The following RGS6 variants were observed in gnomAD, a reference collection of about 807,000 sequenced individuals.
RGS6 encodes regulator of G-protein signaling 6.
In RGS6, 30 loss-of-function variants were observed where a neutral mutation model predicts 78.5. The ratio of observed to expected loss-of-function variants is 0.38; its 90% CI spans 0.29 to 0.52. RGS6 has a LOEUF of 0.52. RGS6 is among the 20% of genes least tolerant of loss of function. The pLI is 0.85. For synonymous variants in RGS6, 206 were observed against 206.0 expected (o/e 1.00, Z 0.00); for missense variants, 495 against 609.7 (o/e 0.81, Z 1.98).
chr14:72,102,183 G>C (rs2095542210), intron 2 of RGS6, among the ~76,000 whole-genome samples: 1 of 152,162 alleles, frequency 6.6e-6, no homozygotes, highest in African/African-American at 2.4e-5. Context: ...GTACTCATCA[G>C]TGACGTACTG....
At chr14:72,020,617 C>A (rs1311001152) in intron 2 of RGS6, among the ~76,000 whole-genome samples, 1 of 151,956 alleles carries the variant, frequency 6.6e-6, no homozygotes, top group Admixed American at 6.6e-5. Flanking sequence ...TATCTTTTTG[C>A]AAGTTTTCTG....
At chr14:72,446,389 C>T (rs1032411033) in intron 3 of RGS6, among the ~76,000 whole-genome samples, 6 of 152,336 alleles carry the variant, frequency 3.9e-5, no homozygotes, top group African/African-American at 1.4e-4. Context: ...GAGATAAATG[C>T]TTCAAGGAGA....
chr14:71,932,290 G>T (rs1286111551), upstream of RGS6: 1 of 151,670 alleles, frequency 6.6e-6, no homozygotes, highest in Non-Finnish European at 1.5e-5. Context: ...CCGCCCGCCG[G>T]CCCCTCCCTG....
intron 2 of RGS6, among the ~76,000 whole-genome samples, chr14:72,269,428 C>T (rs1260499306): frequency 6.6e-6 from 1 of 152,182 alleles, no homozygotes; most frequent in Non-Finnish European, 1.5e-5. Flanking sequence ...TGGCTTCCTG[C>T]TGTCTCTTGA....
the RGS6 span, among the ~76,000 whole-genome samples, chr14:72,572,215 C>T: frequency 8.9e-4 from 135 of 152,194 alleles, no homozygotes; most frequent in African/African-American, 3.2e-3. Flanking sequence ...ATGCTGCAGC[C>T]GCTTTGGAAA....
intron 3 of RGS6, among the ~76,000 whole-genome samples, chr14:72,364,562 C>T (rs2082113755): frequency 6.6e-6 from 1 of 152,222 alleles, no homozygotes. Flanking sequence ...ATTTCAACAG[C>T]AACAGCTGGG....
rs367923850 is a variant in RGS6 at position 72,023,300 on chromosome 14, A to G, written c.84+58425A>G. The stretch of plus-strand genomic sequence containing the variant: ...AAATTGCCTTCCGGCTACCCAAGAA[A>G]GTCAATTTCCTTCTTTAATAGCTGT... On this transcript the variant is annotated intron_variant, in intron 2 of 17. Transcript: ENST00000553525. Among the ~76,000 whole-genome samples, 26 of 152,358 alleles carry G rather than the reference A, an allele frequency of 1.7e-4. No homozygotes were observed. The South Asian group carries it at 4.8e-3, about 28-fold the overall frequency.
rs187902442 is a variant in RGS6, at chr14:72,307,059, A to G, written c.85-45036A>G. Among the ~76,000 whole-genome samples, 588 of 152,300 alleles carry G rather than the reference A, an allele frequency of 3.9e-3. 6 individuals are homozygous for G. Among genetic ancestry groups the G allele is most frequent in the African/African-American group, 0.013 (553 of 41,556 alleles). On this transcript the variant is annotated intron_variant, in intron 2 of 17. Coordinates refer to ENST00000553525, the MANE Select transcript of RGS6 (RefSeq NM_001204424.2). ...TTAAGAAATTGTCACAGCCACCCCA[A>G]CCTTCAGCAACCATTATCCTCATCA...
At chr14:72,196,557 T>G (rs1338632363) in intron 2 of RGS6, among the ~76,000 whole-genome samples, 1 of 152,180 alleles carries the variant, frequency 6.6e-6, no homozygotes, top group Non-Finnish European at 1.5e-5. Context: ...ACATCCGATT[T>G]TCTCCTTCCA....
intron 2 of RGS6, among the ~76,000 whole-genome samples, chr14:72,123,828 T>C (rs1241210928): frequency 6.6e-6 from 1 of 152,198 alleles, no homozygotes; most frequent in African/African-American, 2.4e-5. Context: ...AAAAACATTC[T>C]GAAGCTTCAG....
chr14:72,084,436 A>G lies in RGS6; in HGVS notation c.84+119561A>G, dbSNP rs563496984. Reference sequence around the variant, plus strand: ...GTCCTAGAACATCCTGGATTAAGCAATTAAGGATCTCTGCAAATCCTAGCT... The same window carrying G: ...GTCCTAGAACATCCTGGATTAAGCAGTTAAGGATCTCTGCAAATCCTAGCT... On this transcript the variant is annotated intron_variant, in intron 2 of 17. Coordinates refer to ENST00000553525, the MANE Select transcript of RGS6 (RefSeq NM_001204424.2). Among the ~76,000 whole-genome samples, 101 of 152,324 alleles carry G rather than the reference A, an allele frequency of 6.6e-4. 1 individual carries two copies. Among genetic ancestry groups the G allele is most frequent in the South Asian group, 3.5e-3 (17 of 4,828 alleles).
At chr14:72,535,478 A>G (rs922853862) in intron 15 of RGS6, among the ~76,000 whole-genome samples, 1 of 152,224 alleles carries the variant, frequency 6.6e-6, no homozygotes, top group Non-Finnish European at 1.5e-5. Context: ...CAATGGCAAC[A>G]TCTTGCAAAA....
chr14:71,991,652 GA>G (rs1475147666), intron 2 of RGS6, among the ~76,000 whole-genome samples: 1 of 152,116 alleles, frequency 6.6e-6, no homozygotes, highest in Non-Finnish European at 1.5e-5. Context: ...GTTAACTTTT[GA>G]AGTACCTACT....
chr14:72,541,403 A>T, intron 17 of RGS6: 2 of 1,486,880 alleles, frequency 1.3e-6, no homozygotes, highest in Non-Finnish European at 9.0e-7. Context: ...AATTAATTAA[A>T]CATCGGTATC....
chr14:72,135,082 A>G (rs1408286436), intron 2 of RGS6, among the ~76,000 whole-genome samples: 1 of 152,196 alleles, frequency 6.6e-6, no homozygotes, highest in Non-Finnish European at 1.5e-5. Context: ...CCATCACAAT[A>G]TGCTTCACAT....
At chr14:72,511,705 T>G (rs1042849872) in intron 14 of RGS6, 1 of 152,080 alleles carries the variant, frequency 6.6e-6, no homozygotes, top group African/African-American at 2.4e-5. Flanking sequence ...AGGAAAGAGG[T>G]GGCCGTGGGA....
At chr14:72,502,498 AC>A (rs2096740773) in intron 13 of RGS6, among the ~76,000 whole-genome samples, 1 of 152,156 alleles carries the variant, frequency 6.6e-6, no homozygotes, top group Admixed American at 6.5e-5. Context: ...AGGCGCGGTG[AC>A]TTATGCCTGT....
intron 3 of RGS6, among the ~76,000 whole-genome samples, chr14:72,415,836 G>A (rs151221414): frequency 6.6e-6 from 1 of 152,120 alleles, no homozygotes; most frequent in Non-Finnish European, 1.5e-5. Flanking sequence ...TTGTACACTT[G>A]TATAAGAACT....
In RGS6 at chr14:71,980,424, A is replaced by G. The variant is rs1360476306; in HGVS notation, c.84+15549A>G. Among the ~76,000 whole-genome samples the G allele has an allele frequency of 9.1e-3, 1,365 of 149,198 alleles. 14 individuals are homozygous for G. Among genetic ancestry groups the G allele is most frequent in the African/African-American group, 0.032 (1,270 of 40,112 alleles). The stretch of plus-strand genomic sequence containing the variant: ...CCGGTTGTTCTTTTCCATGTTTAGC[A>G]CTTCCTTCAGGAGCTCTTTTAGGGC... On this transcript the variant is annotated intron_variant, in intron 2 of 17. Coordinates refer to ENST00000553525, the MANE Select transcript of RGS6 (RefSeq NM_001204424.2).
Sources: allele counts gnomAD v4.1 joint callset (sites outside exome capture counted in the v4.1 genomes callset), GRCh38; gene constraint gnomAD v4.1.1; transcripts MANE v1.5; gene names NCBI Gene and HGNC (gene_info 2026-07-23, HGNC 2026-07-21).